The following MRPL1 variants were observed in gnomAD, a reference collection of about 807,000 sequenced individuals.
The protein encoded by MRPL1 is large ribosomal subunit protein uL1m.
Under a neutral mutation model 38.0 loss-of-function variants are expected in MRPL1, and 28 were observed. That is an observed-to-expected ratio of 0.74 (90% CI 0.55 to 1.01). The LOEUF (loss-of-function observed/expected upper bound fraction) is 1.01. MRPL1 is among the 50% of genes least tolerant of loss of function. The probability of loss-of-function intolerance (pLI) is 0.00; values close to 1 mark genes in which losing one functional copy is unlikely to be tolerated. For missense variants in MRPL1, 358 were observed against 389.8 expected (o/e 0.92, Z 0.69); for synonymous variants, 123 against 126.7 (o/e 0.97, Z 0.20).
chr4:77,951,087 C>T (rs1295506003), intron 8 of MRPL1, among the ~76,000 whole-genome samples: 3 of 152,202 alleles, frequency 2.0e-5, no homozygotes, highest in African/African-American at 7.2e-5. Flanking sequence ...CCAGGCTGGT[C>T]TCGAACTCCT....
At chr4:77,918,260 T>G (rs1036792834) in intron 7 of MRPL1, among the ~76,000 whole-genome samples, 2 of 152,128 alleles carry the variant, frequency 1.3e-5, no homozygotes, top group Admixed American at 1.3e-4. Flanking sequence ...CATTATTGAT[T>G]CAACTGTTTT....
chr4:77,925,834 G>A (rs945126965), intron 7 of MRPL1, among the ~76,000 whole-genome samples: 3 of 151,464 alleles, frequency 2.0e-5, no homozygotes, highest in Non-Finnish European at 2.9e-5. Flanking sequence ...AACCTTTTTT[G>A]GCTTAAGTTT....
chr4:77,870,673 T>G (rs2110228637), intron 1 of MRPL1, among the ~76,000 whole-genome samples: 1 of 152,318 alleles, frequency 6.6e-6, no homozygotes, highest in South Asian at 2.1e-4. Context: ...TATATAGTGT[T>G]TCTAAAAAGA....
intron 2 of MRPL1, among the ~76,000 whole-genome samples, chr4:77,873,943 T>C (rs1236551819): frequency 6.6e-6 from 1 of 152,164 alleles, no homozygotes; most frequent in African/African-American, 2.4e-5. Flanking sequence ...CATGAGTATA[T>C]TATTTGTTTT....
At chr4:77,900,004 G>C (rs1316709517) in intron 6 of MRPL1, among the ~76,000 whole-genome samples, 1 of 152,056 alleles carries the variant, frequency 6.6e-6, no homozygotes, top group Non-Finnish European at 1.5e-5. Flanking sequence ...TTAACATTTT[G>C]TGCCTTATTT....
At chr4:77,881,731 G>A (rs1430754664) in intron 2 of MRPL1, among the ~76,000 whole-genome samples, 4 of 152,124 alleles carry the variant, frequency 2.6e-5, no homozygotes, top group Admixed American at 6.5e-5. Context: ...GTGAGCCCTC[G>A]TGCTTGGCCC....
intron 6 of MRPL1, chr4:77,907,134 C>T: frequency 1.0e-6 from 1 of 984,682 alleles, no homozygotes. Context: ...GATGTCTCTT[C>T]AGTGGCACAG....
At chr4:77,908,295 C>A in intron 6 of MRPL1, 1 of 164,244 alleles carries the variant, frequency 6.1e-6, no homozygotes, top group Non-Finnish European at 1.3e-5. Flanking sequence ...TGCAGTGGCA[C>A]AATCTCAGCT....
chr4:77,894,203 A>G lies in MRPL1; in HGVS notation c.623A>G (p.Asn208Ser), dbSNP rs1225571165. 6.2e-7 allele frequency: 1 copy of G among 1,608,368 alleles called. No individual in the cohort carries two copies. The highest frequency in any genetic ancestry group is 1.3e-5 in the African/African-American group (1 of 74,738). The change falls in exon 6 of 9, where the codon AAT becomes AGT. Residue 208 changes from asparagine (N) to serine (S), a missense_variant. Transcript: ENST00000315567. ...GTTCCAGAAATAATGCCTGAACTTA[A>G]TCGATTAAGGAAGAAACTGAATAAA... ...VAVPEIMPEL[N>S]RLRKKLNKKY...
intron 6 of MRPL1, among the ~76,000 whole-genome samples, chr4:77,899,355 C>G (rs1179826250): frequency 6.6e-6 from 1 of 151,914 alleles, no homozygotes; most frequent in East Asian, 1.9e-4. Context: ...TCACGAGCCC[C>G]CCCGCACCTT....
intron 6 of MRPL1, among the ~76,000 whole-genome samples, chr4:77,896,883 GT>G (rs1404883930): frequency 6.6e-6 from 1 of 151,742 alleles, no homozygotes; most frequent in African/African-American, 2.4e-5. Flanking sequence ...ATTAAAACCT[GT>G]TTTTTTAAAT....
At chr4:77,945,764 G>C (rs966776283) in intron 7 of MRPL1, among the ~76,000 whole-genome samples, 1 of 152,080 alleles carries the variant, frequency 6.6e-6, no homozygotes, top group Non-Finnish European at 1.5e-5. Flanking sequence ...GACTTCAAAA[G>C]GGGAGGGGGT....
intron 2 of MRPL1, among the ~76,000 whole-genome samples, chr4:77,878,787 G>C (rs1219142655): frequency 6.6e-6 from 1 of 152,100 alleles, no homozygotes; most frequent in East Asian, 1.9e-4. Flanking sequence ...GCTGAGGCAG[G>C]AGAACCGCTT....
At chr4:77,896,961 G>A (rs1735929675) in intron 6 of MRPL1, among the ~76,000 whole-genome samples, 1 of 151,802 alleles carries the variant, frequency 6.6e-6, no homozygotes, top group African/African-American at 2.4e-5. Flanking sequence ...AGTACCCTCT[G>A]TAATTCTTTC....
chr4:77,886,318 C>T (rs552982168), intron 4 of MRPL1, among the ~76,000 whole-genome samples: 2 of 151,986 alleles, frequency 1.3e-5, no homozygotes, highest in Non-Finnish European at 2.9e-5. Context: ...CGGGTGCTAG[C>T]CACTATATGG....
chr4:77,906,280 T>TA (rs1736156710), intron 6 of MRPL1, among the ~76,000 whole-genome samples: 1 of 151,986 alleles, frequency 6.6e-6, no homozygotes, highest in Non-Finnish European at 1.5e-5. Context: ...AGAGGAACAC[T>TA]GAGAAGTGAC....
chr4:77,918,004 G>A (rs1348723675), intron 7 of MRPL1, among the ~76,000 whole-genome samples: 2 of 149,084 alleles, frequency 1.3e-5, no homozygotes, highest in Admixed American at 6.7e-5. Flanking sequence ...GCAGTGAGCC[G>A]AGATGCGCCA....
At chr4:77,923,310 G>A (rs1028718786) in intron 7 of MRPL1, among the ~76,000 whole-genome samples, 3 of 151,954 alleles carry the variant, frequency 2.0e-5, no homozygotes, top group African/African-American at 7.2e-5. Flanking sequence ...TGGCCAGGCT[G>A]GACTTGAACT....
chr4:77,924,292 C>T (rs1474735196), intron 7 of MRPL1, among the ~76,000 whole-genome samples: 1 of 152,064 alleles, frequency 6.6e-6, no homozygotes, highest in Non-Finnish European at 1.5e-5. Flanking sequence ...CAAAGCTTCC[C>T]ATCTTTTTCT....
Sources: gnomAD v4.1 joint callset for allele counts (sites outside exome capture counted in the v4.1 genomes callset) on GRCh38, gnomAD v4.1.1 for gene constraint, MANE v1.5 for transcripts, NCBI Gene and HGNC (gene_info 2026-07-23, HGNC 2026-07-21) for gene names.